ARHGAP8: variants seen among roughly 807,000 people sequenced by gnomAD.
ARHGAP8 encodes rho GTPase-activating protein 8.
Under a neutral mutation model 46.1 loss-of-function variants are expected in ARHGAP8, and 62 were observed. The observed-to-expected ratio is 1.34, with a 90% CI of 1.10 to 1.66. ARHGAP8 has a LOEUF of 1.66. ARHGAP8 is among the 40% of genes most tolerant of loss of function. ARHGAP8 has a pLI of 0.00. For synonymous variants in ARHGAP8, 375 were observed against 243.1 expected, an observed-to-expected ratio of 1.54 and a Z score of -5.05; for missense variants, 923 against 568.4, an observed-to-expected ratio of 1.62 and a Z score of -6.34.
intron 1 of ARHGAP8, among the ~76,000 whole-genome samples, chr22:44,783,398 C>T (rs1456470669): frequency 3.3e-5 from 5 of 152,118 alleles, no homozygotes; most frequent in Non-Finnish European, 7.4e-5. Context: ...AGGACCCACA[C>T]CCGGAGCTTG....
chr22:44,793,663 A>G (rs1927871002), intron 2 of ARHGAP8, among the ~76,000 whole-genome samples: 1 of 152,166 alleles, frequency 6.6e-6, no homozygotes, highest in African/African-American at 2.4e-5. Flanking sequence ...GGCTGTGGGA[A>G]TCGTTTCTTT....
chr22:44,799,330 C>T lies in ARHGAP8; in HGVS notation c.80-2747C>T, dbSNP rs1928318700. 3.3e-5 allele frequency among the ~76,000 whole-genome samples: 5 copies of T among 152,248 alleles called. No individual in the cohort carries two copies. The South Asian group carries it at 1.0e-3, about 31-fold the overall frequency. ...GAGCCCCTGCCTCTGTGCTCACAGCCAGAGGAGCTGCTCCCATATGCAACG... is the reference window on the plus strand; with the variant it reads ...GAGCCCCTGCCTCTGTGCTCACAGCTAGAGGAGCTGCTCCCATATGCAACG... On this transcript the variant is annotated intron_variant, in intron 2 of 11. Coordinates refer to ENST00000356099, the MANE Select transcript of ARHGAP8 (RefSeq NM_181335.3).
At chr22:44,858,463 G>A (rs1432430884) in intron 10 of ARHGAP8, among the ~76,000 whole-genome samples, 3 of 145,628 alleles carry the variant, frequency 2.1e-5, no homozygotes, top group African/African-American at 7.6e-5. Context: ...TGTCTTCTGA[G>A]TTCAAGCAAT....
At chr22:44,858,981 T>C (rs1268907652) in intron 10 of ARHGAP8, among the ~76,000 whole-genome samples, 1 of 151,776 alleles carries the variant, frequency 6.6e-6, no homozygotes, top group Admixed American at 6.6e-5. Flanking sequence ...CCACAGGCAA[T>C]GTACAAAATG....
chr22:44,759,448 G>C (rs1336742396), intron 1 of ARHGAP8, among the ~76,000 whole-genome samples: 1 of 152,150 alleles, frequency 6.6e-6, no homozygotes, highest in Non-Finnish European at 1.5e-5. Context: ...ACTCTGAACC[G>C]GCCCAAAGTC....
chr22:44,862,496 A>C lies in ARHGAP8; in HGVS notation c.1203A>C (p.Ala401=). 1.2e-6 allele frequency: 2 copies of C among 1,613,710 alleles called. No individual in the cohort carries two copies. Among genetic ancestry groups the C allele is most frequent in the Non-Finnish European group, 1.7e-6 (2 of 1,179,694 alleles). The change falls in exon 12 of 12, where the codon GCA becomes GCC. Residue 401 remains alanine (A), a synonymous_variant. Transcript: ENST00000356099. ...CACCATGGGAACAGGGGAGCAGGGC[A>C]GCCCCTTTGCAGGAGGCTGTGCCAC... ...GLAPWEQGSR[A]APLQEAVPRT...
intron 2 of ARHGAP8, among the ~76,000 whole-genome samples, chr22:44,787,090 G>C (rs1312564489): frequency 6.6e-6 from 1 of 151,344 alleles, no homozygotes; most frequent in Non-Finnish European, 1.5e-5. Context: ...GGGCCTGCTA[G>C]TGTGTTTGGA....
At chr22:44,767,886 AG>A (rs1485183943) in intron 1 of ARHGAP8, among the ~76,000 whole-genome samples, 2 of 147,024 alleles carry the variant, frequency 1.4e-5, no homozygotes, top group African/African-American at 2.5e-5. Flanking sequence ...AAAAAAAAAA[AG>A]AAAATTTAAA....
intron 7 of ARHGAP8, among the ~76,000 whole-genome samples, chr22:44,839,318 TC>T (rs1931496952): frequency 6.6e-6 from 1 of 152,038 alleles, no homozygotes; most frequent in South Asian, 2.1e-4. Context: ...CTGCTCAGTG[TC>T]CCCAACGTGA....
chr22:44,767,984 C>T lies in ARHGAP8; in HGVS notation c.-72+15357C>T, dbSNP rs1448184217. On this transcript the variant is annotated intron_variant, in intron 1 of 11. Coordinates refer to ENST00000356099, the MANE Select transcript of ARHGAP8 (RefSeq NM_181335.3). ...GTCAGATTTCCTCCCCGCATGATGT[C>T]TTTTTTTTTTTTTTTTTTTTTTTTT... Among the ~76,000 whole-genome samples the T allele has an allele frequency of 1.8e-3, 86 of 47,194 alleles. 1 individual carries two copies. Among genetic ancestry groups the T allele is most frequent in the South Asian group, 9.6e-3 (9 of 938 alleles). 31.0% of individuals were successfully genotyped at this position (47,194 alleles called of 152,430 possible).
At chr22:44,812,663 T>G (rs1207997174) in intron 4 of ARHGAP8, among the ~76,000 whole-genome samples, 1 of 152,118 alleles carries the variant, frequency 6.6e-6, no homozygotes, top group Non-Finnish European at 1.5e-5. Context: ...CCTCAGAGCC[T>G]TTTTAAAATT....
chr22:44,854,710 C>G (rs868541269), intron 10 of ARHGAP8, among the ~76,000 whole-genome samples: 1 of 152,184 alleles, frequency 6.6e-6, no homozygotes, highest in Non-Finnish European at 1.5e-5. Context: ...ACCATCTCAG[C>G]TCACTGCAAC....
rs775630552 is a variant in ARHGAP8, at chr22:44,814,762, T to G, written c.386+4T>G. 1 of 1,613,822 alleles carries G rather than the reference T, an allele frequency of 6.2e-7. No homozygotes were observed. ...ACATCTTGAAGCCCCTCATCAGGTA[T>G]GCGTCACTCTGGGAGAGGACCTCGC... On this transcript the variant is annotated splice_donor_region_variant and intron_variant, in intron 5 of 11. Coordinates refer to ENST00000356099, the MANE Select transcript of ARHGAP8 (RefSeq NM_181335.3).
chr22:44,755,787 G>A (rs530054604), intron 1 of ARHGAP8, among the ~76,000 whole-genome samples: 5 of 152,176 alleles, frequency 3.3e-5, no homozygotes, highest in Non-Finnish European at 7.3e-5. Flanking sequence ...GAAGTGGGGG[G>A]TGGGGATAAT....
chr22:44,840,344 T>C (rs1366327768), intron 7 of ARHGAP8, among the ~76,000 whole-genome samples: 1 of 152,190 alleles, frequency 6.6e-6, no homozygotes, highest in Admixed American at 6.5e-5. Context: ...GTTTCTCTTC[T>C]AGTTTCCAGA....
chr22:44,857,756 A>G (rs73176181), intron 10 of ARHGAP8, among the ~76,000 whole-genome samples: 22,662 of 152,140 alleles, frequency 0.15, 2,200 homozygotes, highest in African/African-American at 0.28. Flanking sequence ...AGCCTCCCAC[A>G]TGCAAGCTGT....
At chr22:44,770,043 A>G (rs1053862815) in intron 1 of ARHGAP8, among the ~76,000 whole-genome samples, 4 of 152,120 alleles carry the variant, frequency 2.6e-5, no homozygotes, top group Admixed American at 2.0e-4. Context: ...CAGGAGTTTG[A>G]GACCATCCTG....
At chr22:44,782,288 G>A (rs927660626) in intron 1 of ARHGAP8, among the ~76,000 whole-genome samples, 1 of 152,182 alleles carries the variant, frequency 6.6e-6, no homozygotes, top group Non-Finnish European at 1.5e-5. Flanking sequence ...AGTGAGCCAA[G>A]ATCGCACCAG....
chr22:44,785,004 C>A (rs1241435912), intron 1 of ARHGAP8, among the ~76,000 whole-genome samples: 1 of 152,150 alleles, frequency 6.6e-6, no homozygotes, highest in Admixed American at 6.5e-5. Flanking sequence ...TGAGTAAATA[C>A]CAGGTAAACA....
Sources: allele counts gnomAD v4.1 joint callset (sites outside exome capture counted in the v4.1 genomes callset), GRCh38; gene constraint gnomAD v4.1.1; transcripts MANE v1.5; gene names NCBI Gene and HGNC (gene_info 2026-07-23, HGNC 2026-07-21).